The following PHF14 variants were observed in gnomAD, a reference collection of about 807,000 sequenced individuals.
PHF14 encodes PHD finger protein 14.
PHF14 carries 55 observed loss-of-function variants against 117.9 expected under a neutral mutation model. The observed-to-expected ratio is 0.47, with a 90% CI of 0.38 to 0.58. The LOEUF (loss-of-function observed/expected upper bound fraction) is 0.58. PHF14 is among the 20% of genes least tolerant of loss of function. PHF14 has a pLI of 0.00. For missense variants in PHF14, 978 were observed against 1,122.2 expected (o/e 0.87, Z 1.84); for synonymous variants, 409 against 368.6 (o/e 1.11, Z -1.26).
chr7:10,990,803 A>T lies in PHF14; in HGVS notation c.1001A>T (p.Asp334Val). 1 of 1,590,952 alleles carries T rather than the reference A, an allele frequency of 6.3e-7. No homozygotes were observed. The highest frequency in any genetic ancestry group is 8.6e-7 in the Non-Finnish European group (1 of 1,166,750). Residue 334 changes from aspartate to valine, a missense_variant, in exon 4 of 18, where the codon GAT (aspartate) becomes GTT (valine). By Grantham distance (152) the Asp-to-Val change is radical (BLOSUM62 -3). Transcript: ENST00000634607. ...VCLGDNSEDADEIIQCDNCGI... is the reference protein window; with the variant it reads ...VCLGDNSEDAVEIIQCDNCGI... The stretch of plus-strand genomic sequence containing the variant: ...CTGGGAGATAATAGTGAGGACGCTG[A>T]TGAAATAATTCAGTGTGACAATTGT...
intron 16 of PHF14, among the ~76,000 whole-genome samples, chr7:11,065,356 T>C (rs1022586923): frequency 3.9e-5 from 6 of 152,154 alleles, no homozygotes; most frequent in African/African-American, 1.2e-4. Flanking sequence ...GAAGTAGTTA[T>C]GGAACTACTT....
At chr7:11,152,723 C>T (rs537399238) in intron 17 of PHF14, among the ~76,000 whole-genome samples, 1 of 152,074 alleles carries the variant, frequency 6.6e-6, no homozygotes, top group African/African-American at 2.4e-5. Context: ...TGTAAATAAC[C>T]AAGTGGATGT....
chr7:11,118,393 T>C (rs976085412), intron 17 of PHF14, among the ~76,000 whole-genome samples: 2 of 151,908 alleles, frequency 1.3e-5, no homozygotes, highest in African/African-American at 2.4e-5. Context: ...TTCTAGCATG[T>C]TCCTTGGCAA....
At chr7:11,101,780 T>G (rs1787102604) in intron 16 of PHF14, among the ~76,000 whole-genome samples, 2 of 151,868 alleles carry the variant, frequency 1.3e-5, no homozygotes, top group Admixed American at 1.3e-4. Flanking sequence ...TGTGACTACT[T>G]GGCATTTTTA....
chr7:11,151,953 C>T (rs1205400462), intron 17 of PHF14, among the ~76,000 whole-genome samples: 1 of 151,976 alleles, frequency 6.6e-6, no homozygotes. Context: ...TTTCTGTATC[C>T]TCATAAGATT....
intron 16 of PHF14, chr7:11,107,534 C>A: frequency 1.1e-6 from 1 of 884,008 alleles, no homozygotes; most frequent in Non-Finnish European, 1.4e-6. Context: ...TTAATGTGTA[C>A]AGTGTTTATT....
intron 4 of PHF14, among the ~76,000 whole-genome samples, chr7:10,994,803 G>A (rs34435801): frequency 5.3e-5 from 8 of 152,178 alleles, no homozygotes; most frequent in Non-Finnish European, 1.2e-4. Flanking sequence ...GACCTTCGCG[G>A]TGAGTGTTAC....
intron 17 of PHF14, among the ~76,000 whole-genome samples, chr7:11,124,025 C>T (rs1408131218): frequency 2.0e-5 from 3 of 151,568 alleles, no homozygotes; most frequent in Non-Finnish European, 4.4e-5. Flanking sequence ...ACATGCCTCT[C>T]ACTGTTTTTC....
chr7:11,079,398 T>C (rs1466654589), intron 16 of PHF14, among the ~76,000 whole-genome samples: 1 of 152,166 alleles, frequency 6.6e-6, no homozygotes, highest in Non-Finnish European at 1.5e-5. Context: ...ATCTTTCAAA[T>C]GCCACATTAA....
chr7:11,113,156 C>G (rs1787497820), intron 17 of PHF14, among the ~76,000 whole-genome samples: 1 of 151,530 alleles, frequency 6.6e-6, no homozygotes, highest in Non-Finnish European at 1.5e-5. Flanking sequence ...TTAAATATAC[C>G]TTTTTGCATA....
chr7:11,067,761 C>T (rs1468011470), intron 16 of PHF14, among the ~76,000 whole-genome samples: 1 of 152,100 alleles, frequency 6.6e-6, no homozygotes, highest in Non-Finnish European at 1.5e-5. Context: ...TGCTTTCACT[C>T]ATGGTGAAAG....
chr7:11,122,456 T>G (rs115174550), intron 17 of PHF14, among the ~76,000 whole-genome samples: 2,422 of 139,942 alleles, frequency 0.017, 81 homozygotes, highest in East Asian at 0.12. Flanking sequence ...TATATATATA[T>G]TGTGTGTGTG....
intron 12 of PHF14, among the ~76,000 whole-genome samples, chr7:11,041,224 TTC>T (rs1043066246): frequency 6.6e-6 from 1 of 152,016 alleles, no homozygotes; most frequent in African/African-American, 2.4e-5. Flanking sequence ...TACACTTTTT[TTC>T]TCTTGATGCT....
chr7:11,051,701 G>A lies in PHF14; in HGVS notation c.2402G>A (p.Arg801Lys). 6.2e-7 allele frequency: 1 copy of A among 1,613,706 alleles called. No homozygotes were observed. The highest frequency in any genetic ancestry group is 8.5e-7 in the Non-Finnish European group (1 of 1,179,736). The change falls in exon 14 of 18, where the codon AGG (arginine) becomes AAG (lysine). Residue 801 changes from arginine (R) to lysine (K), a missense_variant. Arg to Lys is a conservative substitution (Grantham distance 26, BLOSUM62 2). Coordinates refer to ENST00000634607, the MANE Select transcript of PHF14 (RefSeq NM_001007157.2). Reference sequence around the variant, plus strand: ...CTACCAGATGGAACCAAACGATCAAGGAGGCAGATTAAGGAACCAGTGAAA... The same window carrying A: ...CTACCAGATGGAACCAAACGATCAAAGAGGCAGATTAAGGAACCAGTGAAA... ...ETLPDGTKRS[R>K]RQIKEPVKFV...
chr7:11,013,185 G>T (rs146777286), intron 4 of PHF14, among the ~76,000 whole-genome samples: 1 of 151,988 alleles, frequency 6.6e-6, no homozygotes, highest in African/African-American at 2.4e-5. Flanking sequence ...TTATGAGATG[G>T]AATTTTGCTC....
At chr7:11,119,536 A>G (rs1787690272) in intron 17 of PHF14, among the ~76,000 whole-genome samples, 1 of 151,830 alleles carries the variant, frequency 6.6e-6, no homozygotes, top group African/African-American at 2.4e-5. Context: ...GAATTAAACT[A>G]TTCTCACAAT....
chr7:11,133,317 G>C (rs1371341111), intron 17 of PHF14, among the ~76,000 whole-genome samples: 1 of 151,810 alleles, frequency 6.6e-6, no homozygotes. Flanking sequence ...TAAAGCTACA[G>C]TAATCAAGAC....
rs547868346 is a variant in PHF14, at chr7:11,130,942, C to T, written c.2772+19475C>T. On this transcript the variant is annotated intron_variant, in intron 17 of 17. Transcript: ENST00000634607. The surrounding 1 kb of genome is among the most constrained non-coding windows in gnomAD (Gnocchi z 4.2). ...TAGCCTGTTCAATTTGGCTTCTTTC[C>T]GTAAGCAATACGCATTTAGGGGTTT... Among the ~76,000 whole-genome samples, 4 of 151,844 alleles carry T rather than the reference C, an allele frequency of 2.6e-5. No homozygotes were observed. The highest frequency in any genetic ancestry group is 9.6e-5 in the African/African-American group (4 of 41,470).
intron 4 of PHF14, among the ~76,000 whole-genome samples, chr7:11,012,615 C>T (rs1374889106): frequency 6.6e-6 from 1 of 152,200 alleles, no homozygotes; most frequent in Non-Finnish European, 1.5e-5. Flanking sequence ...ACATGTCCTA[C>T]TCTAAAGTGT....
Sources: allele counts gnomAD v4.1 joint callset (sites outside exome capture counted in the v4.1 genomes callset), GRCh38; gene constraint gnomAD v4.1.1; non-coding constraint Gnocchi (gnomAD v3.1); transcripts MANE v1.5; gene names NCBI Gene and HGNC (gene_info 2026-07-23, HGNC 2026-07-21).